SLC14A2: variants seen among roughly 807,000 people sequenced by gnomAD.
The protein encoded by SLC14A2 is urea transporter 2.
A neutral mutation model predicts 104.6 loss-of-function variants in SLC14A2; 91 were observed. The observed-to-expected ratio is 0.87, with a 90% CI of 0.73 to 1.04. The LOEUF is 1.04. Among genes scored for constraint, SLC14A2 ranks in the 50% least tolerant of loss-of-function variants. The pLI, the probability that SLC14A2 is intolerant of heterozygous loss-of-function variation, is 0.00. For synonymous variants in SLC14A2, 476 were observed against 466.4 expected (o/e 1.02, Z -0.27); for missense variants, 1,189 against 1,156.0 (o/e 1.03, Z -0.41).
At chr18:45,348,092 C>T (rs928802323) in intron 1 of SLC14A2, among the ~76,000 whole-genome samples, 3 of 152,226 alleles carry the variant, frequency 2.0e-5, no homozygotes, top group Non-Finnish European at 4.4e-5. Flanking sequence ...TTCTGTACTG[C>T]TGCACCATCC....
At chr18:45,466,421 G>C (rs551610421) in intron 1 of SLC14A2, among the ~76,000 whole-genome samples, 3 of 151,658 alleles carry the variant, frequency 2.0e-5, no homozygotes, top group Admixed American at 6.6e-5. Flanking sequence ...GAGCATGAAG[G>C]CTGAAGAATG....
At chr18:45,598,705 T>C (rs1265976348) in intron 2 of SLC14A2, among the ~76,000 whole-genome samples, 2 of 152,150 alleles carry the variant, frequency 1.3e-5, no homozygotes, top group Non-Finnish European at 1.5e-5. Context: ...GGGTCTGCAT[T>C]GGCGGTGGGC....
At chr18:45,198,418 A>G in the SLC14A2 span, among the ~76,000 whole-genome samples, 1 of 152,098 alleles carries the variant, frequency 6.6e-6, no homozygotes, top group Non-Finnish European at 1.5e-5. Flanking sequence ...AGTTGGTCAC[A>G]TTTATGATGT....
intron 2 of SLC14A2, among the ~76,000 whole-genome samples, chr18:45,577,466 T>C: frequency 6.6e-6 from 1 of 152,176 alleles, no homozygotes; most frequent in East Asian, 1.9e-4. Context: ...ATCACATAAT[T>C]TGTGAATCTG....
At chr18:45,202,147 T>C in the SLC14A2 span, among the ~76,000 whole-genome samples, 1 of 152,200 alleles carries the variant, frequency 6.6e-6, no homozygotes, top group Non-Finnish European at 1.5e-5. Flanking sequence ...AAATGTTTAT[T>C]GTTGCAACCT....
chr18:45,262,931 C>T (rs1030640186), intron 1 of SLC14A2, among the ~76,000 whole-genome samples: 1 of 152,134 alleles, frequency 6.6e-6, no homozygotes, highest in South Asian at 2.1e-4. Flanking sequence ...CAGAAAATTC[C>T]CATGCACACT....
chr18:45,426,777 G>T (rs933830828), intron 1 of SLC14A2, among the ~76,000 whole-genome samples: 1 of 151,216 alleles, frequency 6.6e-6, no homozygotes, highest in East Asian at 2.0e-4. Context: ...ACAAAATTGG[G>T]CATTTTGTAA....
intron 2 of SLC14A2, among the ~76,000 whole-genome samples, chr18:45,578,734 C>T (rs1599025412): frequency 6.6e-6 from 1 of 152,226 alleles, no homozygotes; most frequent in East Asian, 1.9e-4. Context: ...GCCTCTGATT[C>T]CTCATTCCAA....
chr18:45,265,360 A>G (rs1233244770), intron 1 of SLC14A2, among the ~76,000 whole-genome samples: 3 of 152,210 alleles, frequency 2.0e-5, no homozygotes, highest in Non-Finnish European at 4.4e-5. Flanking sequence ...TGGCCCAACA[A>G]TTAAATGGGC....
At position 45,625,708 on chromosome 18, in the gene SLC14A2, G is replaced by T; in HGVS notation, c.176G>T (p.Ser59Ile). 6.4e-7 allele frequency: 1 copy of T among 1,560,926 alleles called. No homozygotes were observed. The highest frequency in any genetic ancestry group is 8.6e-7 in the Non-Finnish European group (1 of 1,159,124). ...EKDLRSSNED[S>I]HIVKIEKLNE... ...GATCTCCGGTCTTCCAATGAAGACAGTCACATTGTGAAGATCGAAAAGCTC... is the reference window on the plus strand; with the variant it reads ...GATCTCCGGTCTTCCAATGAAGACATTCACATTGTGAAGATCGAAAAGCTC... The change falls in exon 3 of 20, where the codon AGT (serine) becomes ATT (isoleucine). Residue 59 changes from serine to isoleucine, a missense_variant. Transcript: ENST00000255226.
chr18:45,645,857 A>T (rs1034892800), intron 10 of SLC14A2, among the ~76,000 whole-genome samples: 8 of 152,158 alleles, frequency 5.3e-5, no homozygotes, highest in African/African-American at 1.7e-4. Flanking sequence ...TATTTTGCAG[A>T]TCCCTGATAG....
At chr18:45,503,977 TAATGGTC>T (rs1198333053) in intron 2 of SLC14A2, among the ~76,000 whole-genome samples, 1 of 152,182 alleles carries the variant, frequency 6.6e-6, no homozygotes, top group Non-Finnish European at 1.5e-5. Flanking sequence ...TCTCCTGGTC[TAATGGTC>T]ATAAGTCCTT....
intron 2 of SLC14A2, among the ~76,000 whole-genome samples, chr18:45,562,269 T>G (rs777871313): frequency 2.6e-5 from 4 of 152,252 alleles, no homozygotes; most frequent in Non-Finnish European, 5.9e-5. Context: ...TCTAGGACAG[T>G]GCCCAGTCTA....
intron 1 of SLC14A2, among the ~76,000 whole-genome samples, chr18:45,451,460 G>C (rs1433224719): frequency 6.6e-6 from 1 of 152,096 alleles, no homozygotes; most frequent in Non-Finnish European, 1.5e-5. Flanking sequence ...CCTTGGGAGA[G>C]TTCCATGAAA....
At chr18:45,202,232 A>G in the SLC14A2 span, among the ~76,000 whole-genome samples, 1 of 152,138 alleles carries the variant, frequency 6.6e-6, no homozygotes, top group East Asian at 1.9e-4. Flanking sequence ...TGCTATAGAT[A>G]TAGCAAAAGC....
At chr18:45,490,361 A>G (rs1216740380) in intron 2 of SLC14A2, among the ~76,000 whole-genome samples, 1 of 152,208 alleles carries the variant, frequency 6.6e-6, no homozygotes, top group African/African-American at 2.4e-5. Flanking sequence ...GAAGGAATAG[A>G]CTGTTTGATA....
chr18:45,357,344 G>A (rs554667032), intron 1 of SLC14A2, among the ~76,000 whole-genome samples: 1 of 151,502 alleles, frequency 6.6e-6, no homozygotes, highest in East Asian at 1.9e-4. Context: ...AGGCATGGTG[G>A]CTCACGCCTG....
At chr18:45,673,586 C>A (rs1451996992) in intron 17 of SLC14A2, 97 bp from the exon 18 acceptor site, 21 of 1,359,586 alleles carry the variant, frequency 1.5e-5, no homozygotes, top group East Asian at 2.3e-5. Context: ...AAGAAGATAA[C>A]TGGCTCCGGG....
intron 1 of SLC14A2, among the ~76,000 whole-genome samples, chr18:45,411,617 C>T (rs945947674): frequency 2.6e-5 from 4 of 152,220 alleles, no homozygotes; most frequent in South Asian, 4.2e-4. Flanking sequence ...ACCCAGTTTC[C>T]GATGCACAGG....
Sources: gnomAD v4.1 joint callset for allele counts (sites outside exome capture counted in the v4.1 genomes callset) on GRCh38, gnomAD v4.1.1 for gene constraint, MANE v1.5 for transcripts, NCBI Gene and HGNC (gene_info 2026-07-23, HGNC 2026-07-21) for gene names.